REST: variants seen among roughly 807,000 people sequenced by gnomAD.
REST encodes RE1 silencing transcription factor.
A neutral mutation model predicts 30.4 loss-of-function variants in REST; 1 was observed. That is an observed-to-expected ratio of 0.03 (90% CI 0.01 to 0.16). The LOEUF (loss-of-function observed/expected upper bound fraction) is 0.16, where lower values mean the gene tolerates loss of function less well. REST is among the 10% of genes least tolerant of loss of function. The probability of loss-of-function intolerance (pLI) is 1.00; values close to 1 mark genes in which losing one functional copy is unlikely to be tolerated. For synonymous variants in REST, 504 were observed against 451.1 expected (o/e 1.12, Z -1.49); for missense variants, 1,259 against 1,329.5 (o/e 0.95, Z 0.82).
At chr4:56,923,374 C>T (rs1436844409) in intron 3 of REST, among the ~76,000 whole-genome samples, 1 of 152,166 alleles carries the variant, frequency 6.6e-6, no homozygotes, top group Non-Finnish European at 1.5e-5. Context: ...CTCAAGCCAT[C>T]CTCTTGCCTC....
intron 1 of REST, chr4:56,909,685 T>C (rs940582590): frequency 6.6e-6 from 1 of 152,240 alleles, no homozygotes; most frequent in Admixed American, 6.5e-5. Flanking sequence ...ACTTCTTACT[T>C]TTTTTAATTT....
Position 56,930,971 on chromosome 4 carries a change from C to T in REST, c.2113C>T (p.Pro705Ser), listed in dbSNP as rs1422035300. Residue 705 changes from proline to serine, a missense_variant, in exon 4 of 4, where the codon CCC becomes TCC. This residue lies in a region of REST where 856 missense variants were observed against 772.8 expected (regional missense o/e 1.11). Transcript: ENST00000309042. ...QTEVAQMGPAPMEPAQMEVAQ... is the reference protein window; with the variant it reads ...QTEVAQMGPASMEPAQMEVAQ... The stretch of plus-strand genomic sequence containing the variant: ...GGAGGTTGCCCAAATGGGGCCTGCT[C>T]CCATGGAACCTGCTCAGATGGAGGT... 1 of 1,613,968 alleles carries T rather than the reference C, an allele frequency of 6.2e-7. No homozygotes were observed. Among genetic ancestry groups the T allele is most frequent in the Non-Finnish European group, 8.5e-7 (1 of 1,179,812 alleles).
At chr4:56,922,002 G>T (rs542875859) in intron 3 of REST, among the ~76,000 whole-genome samples, 1 of 152,248 alleles carries the variant, frequency 6.6e-6, no homozygotes, top group Non-Finnish European at 1.5e-5. Flanking sequence ...CACAGATTCT[G>T]ATTTATTTGA....
At chr4:56,909,392 A>G (rs1436821070) in intron 1 of REST, 1 of 152,270 alleles carries the variant, frequency 6.6e-6, no homozygotes, top group East Asian at 1.9e-4. Flanking sequence ...TTCGTGCAGC[A>G]CGTTGGGCTT....
intron 3 of REST, among the ~76,000 whole-genome samples, chr4:56,924,250 G>T (rs1449592105): frequency 1.3e-5 from 2 of 152,178 alleles, no homozygotes. Flanking sequence ...TGGCTTGAGA[G>T]TCTTTGTAGA....
At chr4:56,923,631 GGT>G (rs1720549798) in intron 3 of REST, among the ~76,000 whole-genome samples, 1 of 151,740 alleles carries the variant, frequency 6.6e-6, no homozygotes, top group Non-Finnish European at 1.5e-5. Flanking sequence ...TTTTAGTAGA[GGT>G]GTTGATCCAC....
intron 2 of REST, among the ~76,000 whole-genome samples, chr4:56,915,978 G>A (rs1324229281): frequency 1.3e-5 from 2 of 152,226 alleles, no homozygotes; most frequent in Non-Finnish European, 2.9e-5. Context: ...GCTCACGCCT[G>A]TAATCCTAGC....
chr4:56,930,501 A>C lies in REST; in HGVS notation c.1643A>C (p.Glu548Ala), dbSNP rs1578513979. The change falls in exon 4 of 4, where the codon GAA (glutamate) becomes GCA (alanine). Residue 548 changes from glutamate to alanine, a missense_variant. Around this residue, in one of 5 missense-constraint regions of REST, gnomAD observed 856 missense variants for 772.8 expected, o/e 1.11. Coordinates refer to ENST00000309042, the MANE Select transcript of REST (RefSeq NM_005612.5). ...ESSTKKKKKV[E>A]SKSKNNSQEV... ...TCAACAAAAAAGAAAAAGAAGGTAG[A>C]AAGCAAATCCAAAAATAATAGTCAG... 6.2e-7 allele frequency: 1 copy of C among 1,611,560 alleles called. No individual in the cohort carries two copies. The highest frequency in any genetic ancestry group is 8.5e-7 in the Non-Finnish European group (1 of 1,179,452).
In REST at chr4:56,933,820, C is replaced by T. The variant is rs1427936836; in HGVS notation, c.*1668C>T. ...TTAGGGAATCTTGAATTCTGACCTCCCATACTCCGTTTTGAAATAACCACT... is the reference window on the plus strand; with the variant it reads ...TTAGGGAATCTTGAATTCTGACCTCTCATACTCCGTTTTGAAATAACCACT... On this transcript the variant is annotated 3_prime_UTR_variant, in exon 4 of 4. Transcript: ENST00000309042. 6.6e-6 allele frequency: 1 copy of T among 152,154 alleles called. No individual in the cohort carries two copies. The highest frequency in any genetic ancestry group is 1.5e-5 in the Non-Finnish European group (1 of 68,032). 9.4% of individuals were successfully genotyped at this position (152,154 alleles called of 1,614,324 possible).
chr4:56,929,594 A>C (rs548234633), intron 3 of REST, among the ~76,000 whole-genome samples: 1 of 152,142 alleles, frequency 6.6e-6, no homozygotes, highest in East Asian at 1.9e-4. Context: ...TCTGTTCTTT[A>C]GTAGTGCTTG....
Position 56,917,264 on chromosome 4 carries a change from C to T in REST, c.899-2523C>T, listed in dbSNP as rs141013295. ...TTTACAGCTAATTCGTAGCTACCAG[C>T]GAATTACAGCAGAATAGTTATGAGG... On this transcript the variant is annotated intron_variant, in intron 2 of 3. Coordinates refer to ENST00000309042, the MANE Select transcript of REST (RefSeq NM_005612.5). 5.1e-4 allele frequency among the ~76,000 whole-genome samples: 78 copies of T among 152,282 alleles called. 1 individual carries two copies. The South Asian group carries it at 0.014, about 28-fold the overall frequency.
chr4:56,919,277 C>T lies in REST; in HGVS notation c.899-510C>T, dbSNP rs74284804. On this transcript the variant is annotated intron_variant, in intron 2 of 3. Coordinates refer to ENST00000309042, the MANE Select transcript of REST (RefSeq NM_005612.5). Reference sequence around the variant, plus strand: ...TTGCCCAGGCTGGTCTGGAACTCTACCACTTGAAAATTTTTAGCATAAAGC... The same window carrying T: ...TTGCCCAGGCTGGTCTGGAACTCTATCACTTGAAAATTTTTAGCATAAAGC... Among the ~76,000 whole-genome samples, 48 of 152,164 alleles carry T rather than the reference C, an allele frequency of 3.2e-4. No individual in the cohort carries two copies. In the East Asian group the frequency reaches 9.1e-3, roughly 29 times the overall value.
In REST at chr4:56,930,643, T is replaced by G. The variant is rs781042034; in HGVS notation, c.1785T>G (p.Pro595=). ...KNKSSKKSSK[P]PQKEPVEKGS... Reference sequence around the variant, plus strand: ...AATCAAGTAAGAAAAGCAGTAAGCCTCCTCAGAAGGAACCTGTTGAGAAGG... The same window carrying G: ...AATCAAGTAAGAAAAGCAGTAAGCCGCCTCAGAAGGAACCTGTTGAGAAGG... Residue 595 remains proline, a synonymous_variant, in exon 4 of 4, where the codon CCT becomes CCG. Transcript: ENST00000309042. The G allele has an allele frequency of 3.7e-6, 6 of 1,613,438 alleles. No individual in the cohort carries two copies. Among genetic ancestry groups the G allele is most frequent in the South Asian group, 2.2e-5 (2 of 91,082 alleles).
At chr4:56,914,922 C>CTTTTTTTTTTTTTTTTTTTTTTTTTCT (rs10589188) in intron 2 of REST, among the ~76,000 whole-genome samples, 1 of 92,116 alleles carries the variant, frequency 1.1e-5, no homozygotes, top group African/African-American at 4.3e-5. Flanking sequence ...TTTTTTTTAA[C>CTTTTTTTTTTTTTTTTTTTTTTTTTCT]TTTTTTTTTT....
chr4:56,913,718 G>A (rs879600850), intron 2 of REST, among the ~76,000 whole-genome samples: 5 of 151,676 alleles, frequency 3.3e-5, no homozygotes, highest in African/African-American at 4.8e-5. Flanking sequence ...ACGCGATCTC[G>A]GCTCACTACA....
In REST at chr4:56,931,723, A is replaced by T; in HGVS notation, c.2865A>T (p.Thr955=). The T allele has an allele frequency of 6.2e-7, 1 of 1,614,244 alleles. No individual in the cohort carries two copies. Among genetic ancestry groups the T allele is most frequent in the Non-Finnish European group, 8.5e-7 (1 of 1,180,048 alleles). Residue 955 remains threonine (T), a synonymous_variant, in exon 4 of 4, where the codon ACA becomes ACT. Transcript: ENST00000309042. ...CEMKMDTDQN[T]RENLTGINST... ...TGAAAATGGACACTGATCAGAACAC[A>T]AGAGAGAATCTCACTGGTATAAATT...
intron 2 of REST, among the ~76,000 whole-genome samples, chr4:56,913,941 G>T (rs1167300252): frequency 6.6e-6 from 1 of 151,918 alleles, no homozygotes; most frequent in Non-Finnish European, 1.5e-5. Flanking sequence ...ACCGCGCCTG[G>T]CCAGTTTTTT....
At chr4:56,927,719 T>C in intron 3 of REST, 1 of 833,090 alleles carries the variant, frequency 1.2e-6, no homozygotes, top group Non-Finnish European at 1.6e-6. Context: ...GGGGTGGGGG[T>C]TCTGGTTTTT....
chr4:56,917,075 C>T (rs530081282), intron 2 of REST, among the ~76,000 whole-genome samples: 13 of 152,318 alleles, frequency 8.5e-5, no homozygotes, highest in African/African-American at 3.1e-4. Flanking sequence ...AAGTCTTCAT[C>T]TCCTTGTGGT....
Sources: gnomAD v4.1 joint callset for allele counts (sites outside exome capture counted in the v4.1 genomes callset) on GRCh38, gnomAD v4.1.1 for gene constraint, gnomAD v4.1.1 regional missense constraint, MANE v1.5 for transcripts, NCBI Gene and HGNC (gene_info 2026-07-23, HGNC 2026-07-21) for gene names.